The following RPL26 variants were observed in gnomAD, a reference collection of about 807,000 sequenced individuals.
The protein encoded by RPL26 is large ribosomal subunit protein uL24.
In RPL26, 1 loss-of-function variant was observed where a neutral mutation model predicts 16.2. The observed-to-expected ratio is 0.06, with a 90% CI of 0.02 to 0.29. The LOEUF is 0.29. Ranked by LOEUF, RPL26 falls within the 10% of genes least tolerant of loss-of-function variation. The pLI is 1.00. For missense variants in RPL26, 102 were observed against 184.3 expected (o/e 0.55, Z 2.58); for synonymous variants, 55 against 62.4 (o/e 0.88, Z 0.56).
Position 8,382,203 on chromosome 17 carries a change from T to C in RPL26, c.108A>G (p.Lys36=), listed in dbSNP as rs1907452419. The change falls in exon 2 of 4, where the codon AAA becomes AAG. Residue 36 remains lysine, a synonymous_variant. Transcript: ENST00000648839. The stretch of plus-strand genomic sequence containing the variant: ...GCACGTTGTACTTCTGTCTCAGCTC[T>C]TTGGAAAGAGGGGAAGACATAATCT... ...RRKIMSSPLS[K]ELRQKYNVRS... 2 of 1,613,916 alleles carry C rather than the reference T, an allele frequency of 1.2e-6. No individual in the cohort carries two copies. The highest frequency in any genetic ancestry group is 2.2e-5 in the South Asian group (2 of 91,078).
intron 2 of RPL26, 67 bp downstream of exon 2, chr17:8,382,076 A>C: frequency 7.3e-7 from 1 of 1,364,180 alleles, no homozygotes; most frequent in Admixed American, 1.8e-5. Flanking sequence ...TCAGGAATGC[A>C]ATCTCTCTTC....
chr17:8,378,814 T>C (rs889412721), intron 3 of RPL26, among the ~76,000 whole-genome samples: 1 of 152,208 alleles, frequency 6.6e-6, no homozygotes, highest in Non-Finnish European at 1.5e-5. Context: ...TACATCACTT[T>C]GATAGAGTAA....
intron 3 of RPL26, among the ~76,000 whole-genome samples, chr17:8,378,909 AATCT>A (rs1252977500): frequency 2.0e-5 from 3 of 152,282 alleles, no homozygotes; most frequent in Admixed American, 6.5e-5. Flanking sequence ...AGTGGTGAGC[AATCT>A]ATCTATGCAC....
At chr17:8,380,131 A>C in intron 2 of RPL26, 195 bp from the exon 3 acceptor site, 1 of 567,334 alleles carries the variant, frequency 1.8e-6, no homozygotes, top group African/African-American at 1.9e-5. Context: ...ACAGACCAAG[A>C]GTATTTAAAT....
At chr17:8,379,658 C>A in intron 3 of RPL26, 138 bp downstream of exon 3, 1 of 720,602 alleles carries the variant, frequency 1.4e-6, no homozygotes, top group Non-Finnish European at 2.4e-6. Flanking sequence ...AATACAAGTG[C>A]AGTAGTATTT....
At chr17:8,382,896 G>T (rs1907491969) in intron 1 of RPL26, 2 of 396,372 alleles carry the variant, frequency 5.0e-6, no homozygotes, top group Admixed American at 4.4e-5. Context: ...TCTAGGAAAC[G>T]ACACTACCCA....
At chr17:8,382,465 G>A (rs777020289) in intron 1 of RPL26, 150 bp from the exon 2 acceptor site, 9 of 605,508 alleles carry the variant, frequency 1.5e-5, no homozygotes, top group Non-Finnish European at 2.3e-5. Flanking sequence ...GATCGGAAGG[G>A]CCTATCAACC....
chr17:8,380,131 A>G, intron 2 of RPL26, 195 bp from the exon 3 acceptor site: 1 of 567,334 alleles, frequency 1.8e-6, no homozygotes. Context: ...ACAGACCAAG[A>G]GTATTTAAAT....
chr17:8,380,764 C>T (rs1390397600), intron 2 of RPL26: 2 of 152,220 alleles, frequency 1.3e-5, no homozygotes, highest in Admixed American at 6.5e-5. Flanking sequence ...GACCTAACTC[C>T]CATCTTGCTT....
At chr17:8,379,718 TG>T in intron 3 of RPL26, 77 bp downstream of exon 3, 1 of 1,339,842 alleles carries the variant, frequency 7.5e-7, no homozygotes, top group Non-Finnish European at 1.0e-6. Flanking sequence ...ACTATTTCTA[TG>T]GCCTTGCTCT....
At chr17:8,382,867 AGT>A (rs1253456614) in intron 1 of RPL26, 4 of 394,526 alleles carry the variant, frequency 1.0e-5, no homozygotes, top group Non-Finnish European at 1.3e-5. Flanking sequence ...TTTACCGAGA[AGT>A]TACTTCGAGA....
intron 1 of RPL26, 123 bp from the exon 2 acceptor site, chr17:8,382,438 T>G (rs1907466689): frequency 1.4e-6 from 1 of 696,930 alleles, no homozygotes; most frequent in Non-Finnish European, 2.4e-6. Flanking sequence ...GTTGTGCAAC[T>G]TCAACAAAAA....
chr17:8,382,551 C>CA (rs1203371164), intron 1 of RPL26: 29 of 460,886 alleles, frequency 6.3e-5, no homozygotes, highest in African/African-American at 4.2e-4. Flanking sequence ...ACTTTTGCAT[C>CA]AAAAACACTT....
chr17:8,377,645 G>A lies in RPL26; in HGVS notation c.357C>T (p.Leu119=), dbSNP rs778804923. 2 of 1,611,262 alleles carry A rather than the reference G, an allele frequency of 1.2e-6. No individual in the cohort carries two copies. Among genetic ancestry groups the A allele is most frequent in the Non-Finnish European group, 1.7e-6 (2 of 1,179,460 alleles). The change falls in exon 4 of 4, where the codon CTC becomes CTT. Residue 119 remains leucine (L), a synonymous_variant. Coordinates refer to ENST00000648839, the MANE Select transcript of RPL26 (RefSeq NM_000987.5). The stretch of plus-strand genomic sequence containing the variant: ...CTTGGCGAGATTTGGCTTTCCGTTC[G>A]AGGATCTTTTTGCGGTCTTTGTCCA... ...LKLDKDRKKI[L]ERKAKSRQVG...
intron 3 of RPL26, 171 bp from the exon 4 acceptor site, chr17:8,377,863 G>T: frequency 1.9e-6 from 1 of 535,578 alleles, no homozygotes; most frequent in Non-Finnish European, 3.1e-6. Context: ...ATCAAACCTG[G>T]CTTATTTACT....
chr17:8,377,587 T>A lies in RPL26; in HGVS notation c.415A>T (p.Thr139Ser), dbSNP rs1221398085. ...CTTTATTCCTGCATCTTCTCAATGG[T>A]TTCTTCCTTGTATTTGCCCTTTTCC... ...GKEKGKYKEE[T>S]IEKMQE The change falls in exon 4 of 4, where the codon ACC (threonine) becomes TCC (serine). Residue 139 changes from threonine to serine, a missense_variant. Physicochemically the swap from Thr to Ser is moderately conservative, Grantham distance 58. Transcript: ENST00000648839. 1 of 1,599,608 alleles carries A rather than the reference T, an allele frequency of 6.3e-7. No homozygotes were observed. The highest frequency in any genetic ancestry group is 1.7e-5 in the Admixed American group (1 of 59,346).
chr17:8,378,262 G>GT (rs1390552702), intron 3 of RPL26, among the ~76,000 whole-genome samples: 3 of 152,246 alleles, frequency 2.0e-5, no homozygotes, highest in Non-Finnish European at 4.4e-5. Context: ...ACCCTGGGGG[G>GT]GCGGAGGCTG....
At chr17:8,378,484 C>G (rs1907259227) in intron 3 of RPL26, among the ~76,000 whole-genome samples, 1 of 152,080 alleles carries the variant, frequency 6.6e-6, no homozygotes, top group Non-Finnish European at 1.5e-5. Context: ...AAGAGCAAAA[C>G]TCTGTCCAAA....
chr17:8,377,950 ATTTG>A (rs1907227908), intron 3 of RPL26, among the ~76,000 whole-genome samples: 2 of 152,206 alleles, frequency 1.3e-5, no homozygotes, highest in South Asian at 2.1e-4. Context: ...TCATTATAAG[ATTTG>A]TTTCTTTTTC....
Sources: gnomAD v4.1 joint callset for allele counts (sites outside exome capture counted in the v4.1 genomes callset) on GRCh38, gnomAD v4.1.1 for gene constraint, MANE v1.5 for transcripts, NCBI Gene and HGNC (gene_info 2026-07-23, HGNC 2026-07-21) for gene names.